CSMD1: variants seen among roughly 807,000 people sequenced by gnomAD.
CSMD1 encodes the protein CUB and Sushi multiple domains 1.
In CSMD1, 213 loss-of-function variants were observed where a neutral mutation model predicts 417.5. The observed-to-expected ratio is 0.51, with a 90% CI of 0.46 to 0.57. The LOEUF is 0.57. CSMD1 is among the 20% of genes least tolerant of loss of function. The pLI, the probability that CSMD1 is intolerant of heterozygous loss-of-function variation, is 0.00. For synonymous variants in CSMD1, 2,862 were observed against 1,736.8 expected (o/e 1.65, Z -16.11); for missense variants, 6,923 against 4,529.7 (o/e 1.53, Z -15.17).
chr8:4,532,691 A>G (rs1288211049), intron 2 of CSMD1, among the ~76,000 whole-genome samples: 1 of 122,970 alleles, frequency 8.1e-6, no homozygotes, highest in African/African-American at 3.2e-5. Context: ...ACCCCCATTC[A>G]ATCACTTTGA....
chr8:4,298,085 C>T (rs938588917), intron 3 of CSMD1, among the ~76,000 whole-genome samples: 2 of 152,054 alleles, frequency 1.3e-5, no homozygotes, highest in African/African-American at 2.4e-5. Context: ...CTGGTGAAAA[C>T]CCAGGGTATA....
chr8:3,513,860 A>C (rs1462963726), intron 10 of CSMD1, among the ~76,000 whole-genome samples: 2 of 152,312 alleles, frequency 1.3e-5, no homozygotes, highest in Admixed American at 6.5e-5. Context: ...AAGATCCTGG[A>C]GTATGAAAAA....
rs973406932 is a variant in CSMD1 at position 4,102,443 on chromosome 8, A to G, written c.416-70344T>C. ...CTGATTCTGTCATAATAGATTTAAGAAAGTCCTTGGTCAGTTTCAGGCAGA... is the reference window on the plus strand; with the variant it reads ...CTGATTCTGTCATAATAGATTTAAGGAAGTCCTTGGTCAGTTTCAGGCAGA... On this transcript the variant is annotated intron_variant, in intron 3 of 69. Coordinates refer to ENST00000635120, the MANE Select transcript of CSMD1 (RefSeq NM_033225.6). Among the ~76,000 whole-genome samples, 6 of 152,312 alleles carry G rather than the reference A, an allele frequency of 3.9e-5. No homozygotes were observed. In the East Asian group the frequency reaches 9.6e-4, roughly 24 times the overall value.
At chr8:3,717,345 C>T (rs1467432029) in intron 6 of CSMD1, among the ~76,000 whole-genome samples, 1 of 152,100 alleles carries the variant, frequency 6.6e-6, no homozygotes, top group Non-Finnish European at 1.5e-5. Context: ...GATTAAACAT[C>T]TATTAATATT....
chr8:4,894,893 C>A (rs939223718), intron 1 of CSMD1, among the ~76,000 whole-genome samples: 1 of 152,044 alleles, frequency 6.6e-6, no homozygotes, highest in Non-Finnish European at 1.5e-5. Flanking sequence ...TGAATCCTTG[C>A]CAAAAATGCA....
At position 3,493,741 on chromosome 8, in the gene CSMD1, C is replaced by A. The variant is rs1334509339; in HGVS notation, c.1345-15G>T. 3 of 1,596,792 alleles carry A rather than the reference C, an allele frequency of 1.9e-6. No homozygotes were observed. Among genetic ancestry groups the A allele is most frequent in the Non-Finnish European group, 2.6e-6 (3 of 1,169,610 alleles). ...AGCTTGATGACCTAAATACAAGGTA[C>A]GAAACAGTGACTTAGAACAACAGGT... On this transcript the variant is annotated splice_polypyrimidine_tract_variant and intron_variant, in intron 10 of 69. Coordinates refer to ENST00000635120, the MANE Select transcript of CSMD1 (RefSeq NM_033225.6).
chr8:3,908,266 G>A (rs1028779179), intron 5 of CSMD1, among the ~76,000 whole-genome samples: 2 of 147,576 alleles, frequency 1.4e-5, no homozygotes, highest in African/African-American at 2.5e-5. Flanking sequence ...GCTGAGTCAG[G>A]TTCATCAAGA....
intron 4 of CSMD1, among the ~76,000 whole-genome samples, chr8:4,024,991 G>A (rs1293639405): frequency 6.6e-6 from 1 of 152,220 alleles, no homozygotes; most frequent in Non-Finnish European, 1.5e-5. Flanking sequence ...GCCTGGGTGG[G>A]TTTAAACGGC....
intron 7 of CSMD1, among the ~76,000 whole-genome samples, chr8:3,687,292 C>G (rs978342554): frequency 1.2e-4 from 19 of 152,250 alleles, no homozygotes; most frequent in African/African-American, 4.3e-4. Context: ...GTGGTTACCC[C>G]ATGTATGATG....
chr8:4,309,076 TAG>T (rs751858815), intron 3 of CSMD1, among the ~76,000 whole-genome samples: 160 of 152,290 alleles, frequency 1.1e-3, no homozygotes, highest in Non-Finnish European at 1.7e-3. Flanking sequence ...TTTTTTATGT[TAG>T]GTTATTTTTG....
intron 26 of CSMD1, among the ~76,000 whole-genome samples, chr8:3,239,844 G>C (rs1799383416): frequency 1.3e-5 from 2 of 152,142 alleles, no homozygotes; most frequent in Non-Finnish European, 1.5e-5. Flanking sequence ...GAGAGTTATA[G>C]TCATAGGGGT....
intron 52 of CSMD1, among the ~76,000 whole-genome samples, chr8:3,005,483 A>G (rs1403778796): frequency 6.6e-6 from 1 of 152,214 alleles, no homozygotes. Flanking sequence ...AGAGAATTTT[A>G]GACCAATATC....
chr8:4,284,517 G>T (rs575119899), intron 3 of CSMD1, among the ~76,000 whole-genome samples: 1 of 152,084 alleles, frequency 6.6e-6, no homozygotes, highest in Non-Finnish European at 1.5e-5. Flanking sequence ...CTTCCCATAT[G>T]GTATAGGTTC....
rs143022954 is a variant in CSMD1, at chr8:2,953,754, A to C, written c.10039+470T>G. ...AACAAAAAACTATAATTAACATTTT[A>C]GAAGGCAAAGCATGCCTAGATGAAT... On this transcript the variant is annotated intron_variant, in intron 65 of 69. Transcript: ENST00000635120. Among the ~76,000 whole-genome samples, 1,418 of 152,374 alleles carry C rather than the reference A, an allele frequency of 9.3e-3. 9 individuals carry two copies. Among genetic ancestry groups the C allele is most frequent in the Middle Eastern group, 0.017 (5 of 294 alleles).
At position 4,501,760 on chromosome 8, in the gene CSMD1, G is replaced by C. The variant is rs149349697; in HGVS notation, c.303-81695C>G. Among the ~76,000 whole-genome samples the C allele has an allele frequency of 4.3e-4, 65 of 152,226 alleles. No individual in the cohort carries two copies. The East Asian group carries it at 0.012, about 28-fold the overall frequency. On this transcript the variant is annotated intron_variant, in intron 2 of 69. Transcript: ENST00000635120. ...TCAGACTCATGGTTGCAGTAGTGCA[G>C]CATTTGTGTTCAAGTTGTCGTTATT...
intron 5 of CSMD1, among the ~76,000 whole-genome samples, chr8:3,990,174 C>T (rs536866828): frequency 1.3e-5 from 2 of 152,088 alleles, no homozygotes; most frequent in African/African-American, 4.8e-5. Context: ...GATTAAGGGC[C>T]ACATACAAAA....
intron 36 of CSMD1, 26 bp from the exon 37 acceptor site, chr8:3,181,240 T>C (rs551669551): frequency 2.1e-6 from 3 of 1,462,682 alleles, no homozygotes; most frequent in African/African-American, 2.8e-5. Flanking sequence ...CAGATAGAAT[T>C]GTAACACTAC....
chr8:3,667,522 G>C (rs1798759347), intron 7 of CSMD1, among the ~76,000 whole-genome samples: 1 of 152,126 alleles, frequency 6.6e-6, no homozygotes, highest in Non-Finnish European at 1.5e-5. Context: ...GATGGGAGCT[G>C]TTGGGATGAG....
At chr8:4,388,738 G>A (rs957445933) in intron 3 of CSMD1, among the ~76,000 whole-genome samples, 32 of 152,126 alleles carry the variant, frequency 2.1e-4, no homozygotes, top group African/African-American at 7.7e-4. Context: ...ATACTTGGCA[G>A]AAAAAAGTAA....
Sources: allele counts gnomAD v4.1 joint callset (sites outside exome capture counted in the v4.1 genomes callset), GRCh38; gene constraint gnomAD v4.1.1; transcripts MANE v1.5; gene names NCBI Gene and HGNC (gene_info 2026-07-23, HGNC 2026-07-21).